Variants in NBEA observed in about 807,000 individuals in gnomAD.
NBEA encodes lysosomal-trafficking regulator 2.
Under a neutral mutation model 343.4 loss-of-function variants are expected in NBEA, and 44 were observed. The observed-to-expected ratio is 0.13, with a 90% CI of 0.10 to 0.16. The LOEUF (loss-of-function observed/expected upper bound fraction) is 0.16. Ranked by LOEUF, NBEA falls within the 10% of genes least tolerant of loss-of-function variation. The pLI is 1.00. For missense variants in NBEA, 2,555 were observed against 3,631.3 expected, an observed-to-expected ratio of 0.70 and a Z score of 7.62; for synonymous variants, 1,175 against 1,238.7, an observed-to-expected ratio of 0.95 and a Z score of 1.08.
chr13:35,121,337 G>A lies in NBEA; in HGVS notation c.2244-2145G>A, dbSNP rs571798722. 1.1e-3 allele frequency among the ~76,000 whole-genome samples: 171 copies of A among 152,028 alleles called. 2 individuals are homozygous for A. The South Asian group carries it at 0.013, about 11-fold the overall frequency. ...GCCCAGGCTGCTCTTGAACTTCTGC[G>A]CTCAGGCAGTCTGCCCACCTTGACC... On this transcript the variant is annotated intron_variant, in intron 16 of 58. Transcript: ENST00000379939.
chr13:35,059,068 T>G (rs1440338753), intron 8 of NBEA, among the ~76,000 whole-genome samples: 1 of 152,088 alleles, frequency 6.6e-6, no homozygotes, highest in Admixed American at 6.6e-5. Context: ...GAATATTTTC[T>G]AATATTCATG....
intron 10 of NBEA, among the ~76,000 whole-genome samples, chr13:35,096,194 A>T (rs1332948847): frequency 6.6e-6 from 1 of 151,538 alleles, no homozygotes; most frequent in Non-Finnish European, 1.5e-5. Context: ...ACCTTATTGT[A>T]AAGATTTTTT....
At chr13:35,279,129 C>G (rs1402914012) in intron 34 of NBEA, among the ~76,000 whole-genome samples, 2 of 152,160 alleles carry the variant, frequency 1.3e-5, no homozygotes, top group Admixed American at 6.5e-5. Flanking sequence ...TAAAGCAAGC[C>G]CTGGCCAATA....
At chr13:35,652,139 C>T (rs865811211) in intron 53 of NBEA, among the ~76,000 whole-genome samples, 1 of 152,070 alleles carries the variant, frequency 6.6e-6, no homozygotes, top group South Asian at 2.1e-4. Flanking sequence ...TATTTTCTTT[C>T]AGCCTAAAGT....
At position 35,176,869 on chromosome 13, in the gene NBEA, A is replaced by T. The variant is rs11840684; in HGVS notation, c.4555-127A>T. The T allele has an allele frequency of 5.2e-3, 3,210 of 612,294 alleles. 74 individuals carry two copies. In the African/African-American group the frequency reaches 0.053, roughly 10 times the overall value. The allele number at this position is 612,294 out of a possible 1,614,324, so 37.9% of individuals were successfully genotyped here. On this transcript the variant is annotated intron_variant, in intron 27 of 58. Coordinates refer to ENST00000379939, the MANE Select transcript of NBEA (RefSeq NM_001385012.1). Reference sequence around the variant, plus strand: ...ATATGCATTGTAATAGAGGATTATGATCAATAAATGTTAACTCAGAGAGGT... The same window carrying T: ...ATATGCATTGTAATAGAGGATTATGTTCAATAAATGTTAACTCAGAGAGGT...
At chr13:35,233,487 G>A (rs1786192775) in intron 34 of NBEA, among the ~76,000 whole-genome samples, 1 of 152,088 alleles carries the variant, frequency 6.6e-6, no homozygotes, top group Non-Finnish European at 1.5e-5. Context: ...TCTTAGCTTT[G>A]TGGCCTTTGT....
At chr13:35,356,539 T>C (rs2152869902) in intron 38 of NBEA, among the ~76,000 whole-genome samples, 1 of 152,294 alleles carries the variant, frequency 6.6e-6, no homozygotes, top group South Asian at 2.1e-4. Context: ...TCCAATGGGA[T>C]TAATACAATT....
chr13:35,044,896 C>T, intron 2 of NBEA, 51 bp from the exon 3 acceptor site: 1 of 1,410,958 alleles, frequency 7.1e-7, no homozygotes, highest in South Asian at 1.2e-5. Context: ...ATTACCTTGA[C>T]AGATGGCAGC....
chr13:35,507,204 C>G (rs1206255571), intron 41 of NBEA, among the ~76,000 whole-genome samples: 1 of 152,160 alleles, frequency 6.6e-6, no homozygotes, highest in Non-Finnish European at 1.5e-5. Context: ...ATGCCCTACT[C>G]CTGTTCTACC....
At chr13:35,193,155 CT>C (rs1259380613) in intron 30 of NBEA, among the ~76,000 whole-genome samples, 1 of 151,890 alleles carries the variant, frequency 6.6e-6, no homozygotes, top group African/African-American at 2.4e-5. Flanking sequence ...TCTCCTGATA[CT>C]TTGCTGCAAT....
intron 41 of NBEA, among the ~76,000 whole-genome samples, chr13:35,499,380 A>G (rs1438554250): frequency 6.6e-6 from 1 of 152,062 alleles, no homozygotes; most frequent in Non-Finnish European, 1.5e-5. Flanking sequence ...GTGACTGACT[A>G]GAAAGTGCGG....
intron 36 of NBEA, among the ~76,000 whole-genome samples, chr13:35,319,350 A>C (rs967193524): frequency 6.6e-6 from 1 of 151,996 alleles, no homozygotes; most frequent in Non-Finnish European, 1.5e-5. Flanking sequence ...TCATTTCGTT[A>C]TTTACCTGGT....
chr13:35,500,712 TTC>T (rs775116160), intron 41 of NBEA, among the ~76,000 whole-genome samples: 2,252 of 17,080 alleles, frequency 0.13, 122 homozygotes, highest in Admixed American at 0.42. Context: ...TTCCTGGCTC[TTC>T]TTTTTTTTTT....
chr13:35,249,907 A>G (rs191979611), intron 34 of NBEA, among the ~76,000 whole-genome samples: 3 of 152,316 alleles, frequency 2.0e-5, no homozygotes, highest in East Asian at 3.9e-4. Context: ...AATAAAAAGG[A>G]AGTTCTGACA....
intron 35 of NBEA, among the ~76,000 whole-genome samples, chr13:35,306,781 TA>T (rs947465117): frequency 7.9e-5 from 12 of 152,106 alleles, no homozygotes; most frequent in African/African-American, 2.9e-4. Context: ...CTTCTGTTCT[TA>T]AATTTTGATA....
chr13:35,042,712 T>C (rs556147448), intron 2 of NBEA, among the ~76,000 whole-genome samples: 2 of 151,944 alleles, frequency 1.3e-5, no homozygotes, highest in African/African-American at 4.8e-5. Context: ...CTTTTTGTAA[T>C]TTCTAGCATT....
At chr13:35,537,706 A>T (rs997307758) in intron 41 of NBEA, among the ~76,000 whole-genome samples, 4 of 152,116 alleles carry the variant, frequency 2.6e-5, no homozygotes, top group Non-Finnish European at 5.9e-5. Context: ...GGGAGGGAAG[A>T]TATTTCCAGA....
At chr13:35,402,409 G>T (rs188062171) in intron 38 of NBEA, among the ~76,000 whole-genome samples, 1 of 151,964 alleles carries the variant, frequency 6.6e-6, no homozygotes, top group East Asian at 1.9e-4. Flanking sequence ...ATGAAAGATT[G>T]CCATATGGAT....
chr13:35,312,404 C>A (rs1454222931), intron 36 of NBEA, among the ~76,000 whole-genome samples: 2 of 152,076 alleles, frequency 1.3e-5, no homozygotes, highest in African/African-American at 4.8e-5. Flanking sequence ...AGAGGACTAG[C>A]GGCAAGAGAA....
Sources: allele counts gnomAD v4.1 joint callset (sites outside exome capture counted in the v4.1 genomes callset), GRCh38; gene constraint gnomAD v4.1.1; transcripts MANE v1.5; gene names NCBI Gene and HGNC (gene_info 2026-07-23, HGNC 2026-07-21).